DCT: variants seen among roughly 807,000 people sequenced by gnomAD.
The protein encoded by DCT is L-dopachrome tautomerase.
In DCT, 47 loss-of-function variants were observed where a neutral mutation model predicts 53.0. The ratio of observed to expected loss-of-function variants is 0.89; its 90% CI spans 0.70 to 1.13. DCT has a LOEUF of 1.13. DCT is among the 50% of genes most tolerant of loss of function. The pLI is 0.00. For missense variants in DCT, 669 were observed against 637.4 expected, an observed-to-expected ratio of 1.05 and a Z score of -0.53; for synonymous variants, 244 against 237.0, an observed-to-expected ratio of 1.03 and a Z score of -0.27.
At chr13:94,486,117 T>C in the DCT span, among the ~76,000 whole-genome samples, 1 of 152,150 alleles carries the variant, frequency 6.6e-6, no homozygotes, top group Non-Finnish European at 1.5e-5. Context: ...CAGAGCTGTG[T>C]TTTCCTGACT....
the DCT span, among the ~76,000 whole-genome samples, chr13:94,497,761 G>C: frequency 1.3e-5 from 2 of 152,066 alleles, no homozygotes; most frequent in African/African-American, 2.4e-5. Context: ...GAGGTAGAGG[G>C]GATGGAAGGG....
chr13:94,524,977 A>G, the DCT span, among the ~76,000 whole-genome samples: 3 of 152,206 alleles, frequency 2.0e-5, no homozygotes, highest in Non-Finnish European at 4.4e-5. Flanking sequence ...TCTACACTCC[A>G]AGAAACACCA....
chr13:94,478,999 C>T lies in DCT; in HGVS notation c.257G>A (p.Trp86Ter). 1 of 1,612,900 alleles carries T rather than the reference C, an allele frequency of 6.2e-7. No individual in the cohort carries two copies. The highest frequency in any genetic ancestry group is 8.5e-7 in the Non-Finnish European group (1 of 1,179,052). ...GGTCCGGTGGAAGAATTTTCTTGGC[C>T]ACAGCTCACGGTCATCCTGGTTTCG... ...ILRNQDDRELWPRKFFHRTCK... is the reference protein window; with the variant it reads ...ILRNQDDREL The change falls in exon 1 of 8, where the codon TGG (tryptophan) becomes TAG (stop). Residue 86 changes from tryptophan to a stop codon, truncating the protein, a stop_gained. Coordinates refer to ENST00000377028, the MANE Select transcript of DCT (RefSeq NM_001922.5). LOFTEE classifies it high-confidence loss of function.
the DCT span, among the ~76,000 whole-genome samples, chr13:94,507,105 C>T: frequency 6.6e-6 from 1 of 152,120 alleles, no homozygotes; most frequent in African/African-American, 2.4e-5. Context: ...GGAGACACAA[C>T]TACATGGCAT....
Position 94,439,981 on chromosome 13 carries a change from G to A in DCT, c.1477C>T (p.Leu493Phe), listed in dbSNP as rs1301302772. The change falls in exon 8 of 8, where the codon CTT becomes TTT. Residue 493 changes from leucine (L) to phenylalanine (F), a missense_variant. Physicochemically the swap from Leu to Phe is conservative, Grantham distance 22. Transcript: ENST00000377028. ...LVGLFVLLAFLQYRRLRKGYT... is the reference protein window; with the variant it reads ...LVGLFVLLAFFQYRRLRKGYT... ...CCTTTTCGAAGTCTTCTATATTGAA[G>A]AAAAGCCAACAGCACAAAAAGACCA... 1.9e-6 allele frequency: 3 copies of A among 1,613,992 alleles called. No homozygotes were observed. Among genetic ancestry groups the A allele is most frequent in the Non-Finnish European group, 2.5e-6 (3 of 1,179,928 alleles).
At chr13:94,471,904 A>G (rs902853349) in intron 1 of DCT, among the ~76,000 whole-genome samples, 1 of 152,202 alleles carries the variant, frequency 6.6e-6, no homozygotes, top group African/African-American at 2.4e-5. Flanking sequence ...GGATGTTGCT[A>G]GTGGAAGATT....
intron 6 of DCT, among the ~76,000 whole-genome samples, chr13:94,453,617 T>C (rs1437206675): frequency 1.3e-5 from 2 of 152,202 alleles, no homozygotes; most frequent in Non-Finnish European, 2.9e-5. Flanking sequence ...TCTTGAATTG[T>C]AGCTCCCACA....
the DCT span, among the ~76,000 whole-genome samples, chr13:94,511,059 G>T: frequency 5.3e-5 from 8 of 152,332 alleles, no homozygotes; most frequent in African/African-American, 1.9e-4. Flanking sequence ...CCTAGCAAGA[G>T]ATGGATCATT....
the DCT span, among the ~76,000 whole-genome samples, chr13:94,538,112 C>T: frequency 5.3e-5 from 8 of 152,002 alleles, no homozygotes; most frequent in African/African-American, 1.9e-4. Flanking sequence ...ATAGGGAGTA[C>T]AGGATGGAAG....
At chr13:94,493,674 A>G in the DCT span, among the ~76,000 whole-genome samples, 1 of 152,224 alleles carries the variant, frequency 6.6e-6, no homozygotes, top group Non-Finnish European at 1.5e-5. Flanking sequence ...CCAACTACAC[A>G]ATATCCTGGG....
At chr13:94,456,921 T>A (rs755813629) in intron 6 of DCT, among the ~76,000 whole-genome samples, 5 of 152,202 alleles carry the variant, frequency 3.3e-5, no homozygotes, top group Non-Finnish European at 5.9e-5. Context: ...CTTGAGGTCA[T>A]GAGTTCAAGA....
At chr13:94,449,460 T>C (rs1284436095) in intron 6 of DCT, among the ~76,000 whole-genome samples, 4 of 152,208 alleles carry the variant, frequency 2.6e-5, no homozygotes, top group African/African-American at 4.8e-5. Context: ...CTTGAGTTCA[T>C]GTGTTACTGC....
At chr13:94,500,387 T>C in the DCT span, among the ~76,000 whole-genome samples, 3 of 152,236 alleles carry the variant, frequency 2.0e-5, no homozygotes, top group Non-Finnish European at 2.9e-5. Flanking sequence ...GTGAGACTTA[T>C]TCACTACCAT....
At chr13:94,445,887 G>C (rs1320571066) in intron 6 of DCT, 9 of 648,870 alleles carry the variant, frequency 1.4e-5, no homozygotes. Flanking sequence ...GAAACTGTGG[G>C]GGGGCGGGGT....
chr13:94,470,537 C>T (rs184868619), intron 1 of DCT, among the ~76,000 whole-genome samples: 2 of 152,210 alleles, frequency 1.3e-5, no homozygotes, highest in Admixed American at 6.5e-5. Flanking sequence ...AAGATTGAAA[C>T]GAAAGGGGAT....
Position 94,475,015 on chromosome 13 carries a change from G to A in DCT, c.295+3946C>T, listed in dbSNP as rs192678671. Among the ~76,000 whole-genome samples, 699 of 152,198 alleles carry A rather than the reference G, an allele frequency of 4.6e-3. 4 individuals carry two copies. The highest frequency in any genetic ancestry group is 0.016 in the African/African-American group (677 of 41,530). ...CAGGAGTGCCCCAGTGACTCCATTCGCAAAAGAGTCATCAGGCTACTGTAG... is the reference window on the plus strand; with the variant it reads ...CAGGAGTGCCCCAGTGACTCCATTCACAAAAGAGTCATCAGGCTACTGTAG... On this transcript the variant is annotated intron_variant, in intron 1 of 7. Transcript: ENST00000377028.
chr13:94,510,449 A>C, the DCT span, among the ~76,000 whole-genome samples: 2 of 152,238 alleles, frequency 1.3e-5, no homozygotes, highest in African/African-American at 4.8e-5. Flanking sequence ...GTCAGTGTAA[A>C]ATACATACAA....
chr13:94,474,553 A>C (rs1884956611), intron 1 of DCT, among the ~76,000 whole-genome samples: 1 of 152,230 alleles, frequency 6.6e-6, no homozygotes, highest in South Asian at 2.1e-4. Context: ...TACAAACAAG[A>C]AGTTCACCGT....
the DCT span, among the ~76,000 whole-genome samples, chr13:94,545,890 C>T: frequency 6.6e-6 from 1 of 151,988 alleles, no homozygotes; most frequent in East Asian, 1.9e-4. Context: ...TTCCCCTTCA[C>T]CCTCCCCTCC....
Sources: gnomAD v4.1 joint callset for allele counts (sites outside exome capture counted in the v4.1 genomes callset) on GRCh38, gnomAD v4.1.1 for gene constraint, MANE v1.5 for transcripts, NCBI Gene and HGNC (gene_info 2026-07-23, HGNC 2026-07-21) for gene names.